NEK9: variants seen among roughly 807,000 people sequenced by gnomAD.
The protein encoded by NEK9 is NIMA related kinase 9.
Under a neutral mutation model 123.4 loss-of-function variants are expected in NEK9, and 75 were observed. The ratio of observed to expected loss-of-function variants is 0.61; its 90% CI spans 0.50 to 0.74. The LOEUF is 0.74. NEK9 is among the 30% of genes least tolerant of loss of function. The pLI, the probability that NEK9 is intolerant of heterozygous loss-of-function variation, is 0.00. For synonymous variants in NEK9, 438 were observed against 458.7 expected (o/e 0.95, Z 0.58); for missense variants, 952 against 1,214.4 (o/e 0.78, Z 3.21).
rs1296419875 is a variant in NEK9 at position 75,081,560 on chromosome 14, T to C, written c.*3004A>G. The stretch of plus-strand genomic sequence containing the variant: ...TTTTTGGAGGTTTAGGGATTTCATG[T>C]GAATGAATTTATTTAAAATGTATTC... On this transcript the variant is annotated 3_prime_UTR_variant, in exon 22 of 22. Transcript: ENST00000238616. This position sits in a 1 kb window ranked among gnomAD's most constrained non-coding sequence, Gnocchi z 4.2. 1 of 152,244 alleles carries C rather than the reference T, an allele frequency of 6.6e-6. No homozygotes were observed. Among genetic ancestry groups the C allele is most frequent in the African/African-American group, 2.4e-5 (1 of 41,464 alleles). 9.4% of individuals were successfully genotyped at this position (152,244 alleles called of 1,614,324 possible). A position where few individuals can be genotyped will look rare whatever the true frequency, so the allele number is the denominator to read the frequency against.
intron 16 of NEK9, among the ~76,000 whole-genome samples, chr14:75,098,549 C>A (rs1894464025): frequency 6.6e-6 from 1 of 152,102 alleles, no homozygotes; most frequent in Non-Finnish European, 1.5e-5. Flanking sequence ...GACAAGTGAG[C>A]CTTGGGGTAC....
At position 75,124,181 on chromosome 14, in the gene NEK9, G is replaced by C; in HGVS notation, c.262C>G (p.Leu88Val). 1 of 1,614,040 alleles carries C rather than the reference G, an allele frequency of 6.2e-7. No homozygotes were observed. Among genetic ancestry groups the C allele is most frequent in the Non-Finnish European group, 8.5e-7 (1 of 1,179,960 alleles). ...VVWKEVDLTR[L>V]SEKERRDALN... is the part of the protein sequence containing the mutation. Reference sequence around the variant, plus strand: ...GCATCACGACGTTCCTTCTCAGACAGCCGGGTCAAATCGACTTCCTTCCAC... The same window carrying C: ...GCATCACGACGTTCCTTCTCAGACACCCGGGTCAAATCGACTTCCTTCCAC... The change falls in exon 2 of 22, where the codon CTG (leucine) becomes GTG (valine). Residue 88 changes from leucine to valine, a missense_variant. Coordinates refer to ENST00000238616, the MANE Select transcript of NEK9 (RefSeq NM_033116.6).
rs1225344679 is a variant in NEK9, at chr14:75,126,939, T to C, written c.-18A>G. 4 of 1,448,510 alleles carry C rather than the reference T, an allele frequency of 2.8e-6. No individual in the cohort carries two copies. Among genetic ancestry groups the C allele is most frequent in the Non-Finnish European group, 3.7e-6 (4 of 1,094,252 alleles). The allele number at this position is 1,448,510 out of a possible 1,614,324, so 89.7% of individuals were successfully genotyped here. A position where few individuals can be genotyped will look rare whatever the true frequency, so the allele number is the denominator to read the frequency against. ...ACCGACATGGCGGCGGCCGCGGGCCTTGGGGACCAGCCTGCGTATGCCCGG... is the reference window on the plus strand; with the variant it reads ...ACCGACATGGCGGCGGCCGCGGGCCCTGGGGACCAGCCTGCGTATGCCCGG... On this transcript the variant is annotated 5_prime_UTR_variant, in exon 1 of 22. Transcript: ENST00000238616.
chr14:75,101,907 C>G, intron 14 of NEK9, 142 bp from the exon 15 acceptor site: 1 of 572,918 alleles, frequency 1.7e-6, no homozygotes. Context: ...AGGTAGTTTT[C>G]CATCTCCAAC....
chr14:75,105,898 G>C (rs969838220), intron 13 of NEK9, 52 bp downstream of exon 13: 1 of 1,346,256 alleles, frequency 7.4e-7, no homozygotes, highest in African/African-American at 1.4e-5. Context: ...CATATTATTG[G>C]AGTCTGTGCG....
chr14:75,109,974 T>A, intron 9 of NEK9, 97 bp from the exon 10 acceptor site: 1 of 1,198,266 alleles, frequency 8.3e-7, no homozygotes, highest in Middle Eastern at 2.0e-4. Flanking sequence ...CTGCCAATTA[T>A]GGTATGAGAA....
chr14:75,101,218 C>T, intron 15 of NEK9, 65 bp from the exon 16 acceptor site: 1 of 1,501,362 alleles, frequency 6.7e-7, no homozygotes, highest in Non-Finnish European at 9.0e-7. Flanking sequence ...GAAGATGCAG[C>T]CAAGCAGACT....
chr14:75,081,497 T>G lies in NEK9; in HGVS notation c.*3067A>C, dbSNP rs1218590132. 2.6e-5 allele frequency: 4 copies of G among 152,262 alleles called. No individual in the cohort carries two copies. Among genetic ancestry groups the G allele is most frequent in the Admixed American group, 6.5e-5 (1 of 15,278 alleles). 9.4% of individuals were successfully genotyped at this position (152,262 alleles called of 1,614,324 possible). On this transcript the variant is annotated 3_prime_UTR_variant, in exon 22 of 22. Transcript: ENST00000238616. This position sits in a 1 kb window ranked among gnomAD's most constrained non-coding sequence, Gnocchi z 4.2. Reference sequence around the variant, plus strand: ...CAGTTAGGAACATGTTTTATAGTCCTGATTATAGCCCACTCTGCCCTGACC... The same window carrying G: ...CAGTTAGGAACATGTTTTATAGTCCGGATTATAGCCCACTCTGCCCTGACC...
At chr14:75,114,341 C>T (rs1167339154) in intron 6 of NEK9, 28 bp from the exon 7 acceptor site, 2 of 1,534,952 alleles carry the variant, frequency 1.3e-6, no homozygotes, top group Non-Finnish European at 1.8e-6. Flanking sequence ...CTGCATTGTT[C>T]CTGGTTATAT....
At chr14:75,095,214 G>A (rs1403558534) in intron 18 of NEK9, among the ~76,000 whole-genome samples, 158 bp downstream of exon 18, 1 of 152,184 alleles carries the variant, frequency 6.6e-6, no homozygotes, top group East Asian at 1.9e-4. Context: ...ATAACTTACT[G>A]CAAAACCAAA....
At chr14:75,109,263 A>G (rs1333709410) in intron 10 of NEK9, among the ~76,000 whole-genome samples, 4 of 152,196 alleles carry the variant, frequency 2.6e-5, no homozygotes, top group Non-Finnish European at 5.9e-5. Context: ...GCCATCTTCA[A>G]TCACTGCTGT....
Position 75,084,666 on chromosome 14 carries a change from TC to T in NEK9, c.2837del (p.Gly946GlufsTer17), listed in dbSNP as rs1220986884. ...CCATCTCTTCCTTTGCTGTCTGAGT[TC>T]CTTTGGAATGCATCCCCACCTGTCC... ...GGQQVGMHSK[G>X]TQTAKEEMEM... On this transcript the variant is annotated frameshift_variant, in exon 22 of 22. Coordinates refer to ENST00000238616, the MANE Select transcript of NEK9 (RefSeq NM_033116.6). LOFTEE classifies it high-confidence loss of function. 1 of 1,614,106 alleles carries T rather than the reference TC, an allele frequency of 6.2e-7. No homozygotes were observed. Among genetic ancestry groups the T allele is most frequent in the East Asian group, 2.2e-5 (1 of 44,888 alleles).
intron 12 of NEK9, 29 bp downstream of exon 12, chr14:75,106,473 G>A: frequency 6.2e-7 from 1 of 1,600,814 alleles, no homozygotes; most frequent in Non-Finnish European, 8.5e-7. Flanking sequence ...TACCTGTGAA[G>A]AAGTGGACAG....
chr14:75,125,037 G>C (rs569162455), intron 1 of NEK9, among the ~76,000 whole-genome samples: 1 of 151,608 alleles, frequency 6.6e-6, no homozygotes, highest in African/African-American at 2.4e-5. Flanking sequence ...GGCCTCCCAG[G>C]TGTTGGGATT....
intron 13 of NEK9, among the ~76,000 whole-genome samples, chr14:75,104,348 TAG>T (rs1041480976): frequency 6.6e-6 from 1 of 151,986 alleles, no homozygotes. Flanking sequence ...GTATTTTTAT[TAG>T]AGATGAGGTT....
rs1594838234 is a variant in NEK9, at chr14:75,105,860, T to C, written c.1575+90A>G. On this transcript the variant is annotated intron_variant, in intron 13 of 21. Coordinates refer to ENST00000238616, the MANE Select transcript of NEK9 (RefSeq NM_033116.6). ...AGGAAACACTTCGGAAATAAATACCTTGATACAACAGAGCCAAGGAAAGAG... is the reference window on the plus strand; with the variant it reads ...AGGAAACACTTCGGAAATAAATACCCTGATACAACAGAGCCAAGGAAAGAG... The C allele has an allele frequency of 2.6e-5, 27 of 1,038,272 alleles. No individual in the cohort carries two copies. The East Asian group carries it at 6.2e-4, about 24-fold the overall frequency. 64.3% of individuals were successfully genotyped at this position (1,038,272 alleles called of 1,614,324 possible).
At chr14:75,108,301 T>A (rs1357664729) in intron 10 of NEK9, among the ~76,000 whole-genome samples, 1 of 152,128 alleles carries the variant, frequency 6.6e-6, no homozygotes, top group Admixed American at 6.5e-5. Context: ...ATTTTTTGTA[T>A]GTTTAGTAAA....
chr14:75,125,334 C>G (rs1895487465), intron 1 of NEK9, among the ~76,000 whole-genome samples: 1 of 152,124 alleles, frequency 6.6e-6, no homozygotes, highest in Admixed American at 6.6e-5. Context: ...GAAATATAAG[C>G]TTCTAGAGAA....
chr14:75,108,549 G>GTA (rs1243271717), intron 10 of NEK9, among the ~76,000 whole-genome samples: 30 of 146,964 alleles, frequency 2.0e-4, no homozygotes, highest in African/African-American at 6.8e-4. Context: ...GTGTGTGACA[G>GTA]TATATATATA....
Sources: allele counts gnomAD v4.1 joint callset (sites outside exome capture counted in the v4.1 genomes callset), GRCh38; gene constraint gnomAD v4.1.1; non-coding constraint Gnocchi (gnomAD v3.1); transcripts MANE v1.5; gene names NCBI Gene and HGNC (gene_info 2026-07-23, HGNC 2026-07-21).